YTHDF2: variants seen among roughly 807,000 people sequenced by gnomAD.
The protein encoded by YTHDF2 is YTH domain-containing family protein 2.
A neutral mutation model predicts 50.4 loss-of-function variants in YTHDF2; 2 were observed. The observed-to-expected ratio is 0.04, with a 90% CI of 0.02 to 0.12. The LOEUF (loss-of-function observed/expected upper bound fraction) is 0.12, where lower values mean the gene tolerates loss of function less well. YTHDF2 is among the 10% of genes least tolerant of loss of function. The probability of loss-of-function intolerance (pLI) is 1.00; values close to 1 mark genes in which losing one functional copy is unlikely to be tolerated. For missense variants in YTHDF2, 483 were observed against 722.6 expected, an observed-to-expected ratio of 0.67 and a Z score of 3.80; for synonymous variants, 217 against 255.6, an observed-to-expected ratio of 0.85 and a Z score of 1.44.
At chr1:28,748,626 C>G (rs183492299) in intron 4 of YTHDF2, among the ~76,000 whole-genome samples, 2 of 152,300 alleles carry the variant, frequency 1.3e-5, no homozygotes, top group East Asian at 3.9e-4. Flanking sequence ...TTAGATCTGT[C>G]AGGCTTGAAA....
intron 4 of YTHDF2, among the ~76,000 whole-genome samples, chr1:28,753,879 G>A (rs1236243653): frequency 1.3e-5 from 2 of 151,850 alleles, no homozygotes; most frequent in Admixed American, 6.6e-5. Context: ...GCTAATTTTT[G>A]TATTTTTAGT....
At chr1:28,768,882 TG>T in intron 4 of YTHDF2, 46 bp from the exon 5 acceptor site, 1 of 1,501,290 alleles carries the variant, frequency 6.7e-7, no homozygotes, top group South Asian at 1.3e-5. Flanking sequence ...TCATAAAGCA[TG>T]TTCAGATAAT....
At chr1:28,737,571 C>T (rs1340543721) in intron 1 of YTHDF2, 87 bp from the exon 2 acceptor site, 2 of 1,584,756 alleles carry the variant, frequency 1.3e-6, no homozygotes, top group East Asian at 2.2e-5. Context: ...CCTTTATTCT[C>T]CCTTCGGGCC....
At position 28,743,530 on chromosome 1, in the gene YTHDF2, G is replaced by A. The variant is rs753500050; in HGVS notation, c.1260G>A (p.Glu420=). Residue 420 remains glutamate, a synonymous_variant, in exon 4 of 5, where the codon GAG becomes GAA. Transcript: ENST00000373812. The surrounding 1 kb of genome is among the most constrained non-coding windows in gnomAD (Gnocchi z 6.9). The stretch of plus-strand genomic sequence containing the variant: ...TTTTCATCATTAAGAGCTACTCTGA[G>A]GACGATATTCACCGTTCCATTAAGT... The part of the protein sequence containing the change: ...GRVFIIKSYS[E]DDIHRSIKYN... 9.9e-6 allele frequency: 16 copies of A among 1,613,996 alleles called. No homozygotes were observed. In the East Asian group the frequency reaches 3.6e-4, roughly 36 times the overall value.
At chr1:28,744,757 C>T (rs564280301) in intron 4 of YTHDF2, among the ~76,000 whole-genome samples, 1 of 152,168 alleles carries the variant, frequency 6.6e-6, no homozygotes, top group Non-Finnish European at 1.5e-5. Context: ...CAGCCTCCAC[C>T]TTCTGGGCTC....
chr1:28,752,246 G>A (rs1342451955), intron 4 of YTHDF2, among the ~76,000 whole-genome samples: 1 of 152,152 alleles, frequency 6.6e-6, no homozygotes, highest in Non-Finnish European at 1.5e-5. Context: ...TATATAATAT[G>A]CTGTTGCACA....
At chr1:28,738,222 G>T (rs755912931) in intron 2 of YTHDF2, 37 bp from the exon 3 acceptor site, 2 of 1,519,952 alleles carry the variant, frequency 1.3e-6, no homozygotes, top group Admixed American at 1.7e-5. Flanking sequence ...AAGATTGTAG[G>T]ATTGGGACAC....
intron 4 of YTHDF2, among the ~76,000 whole-genome samples, chr1:28,764,757 G>C (rs1012112964): frequency 6.6e-6 from 1 of 152,170 alleles, no homozygotes; most frequent in Non-Finnish European, 1.5e-5. Flanking sequence ...TGGCCATGCT[G>C]GTCTCGAACT....
Position 28,742,940 on chromosome 1 carries a change from A to G in YTHDF2, c.670A>G (p.Asn224Asp), listed in dbSNP as rs755086509. ...GSITSNIVAS[N>D]SLPPATIAPP... Reference sequence around the variant, plus strand: ...CATTACTAGTAACATCGTGGCTTCCAATAGTTTGCCTCCAGCCACCATTGC... The same window carrying G: ...CATTACTAGTAACATCGTGGCTTCCGATAGTTTGCCTCCAGCCACCATTGC... Residue 224 changes from asparagine (N) to aspartate (D), a missense_variant, in exon 4 of 5, where the codon AAT becomes GAT. Transcript: ENST00000373812. 2 of 1,614,174 alleles carry G rather than the reference A, an allele frequency of 1.2e-6. No individual in the cohort carries two copies. The highest frequency in any genetic ancestry group is 1.7e-6 in the Non-Finnish European group (2 of 1,180,032).
At chr1:28,752,454 C>T (rs542871092) in intron 4 of YTHDF2, among the ~76,000 whole-genome samples, 2 of 152,228 alleles carry the variant, frequency 1.3e-5, no homozygotes, top group Non-Finnish European at 2.9e-5. Context: ...TGCCACCACT[C>T]CCGGCTAATT....
intron 4 of YTHDF2, among the ~76,000 whole-genome samples, chr1:28,763,577 T>C (rs1052033162): frequency 7.9e-5 from 12 of 152,128 alleles, no homozygotes; most frequent in African/African-American, 2.7e-4. Flanking sequence ...TGCCTTAGCC[T>C]CCTGAATAGC....
chr1:28,766,836 C>CTTT (rs796715052), intron 4 of YTHDF2, among the ~76,000 whole-genome samples: 2 of 141,566 alleles, frequency 1.4e-5, no homozygotes, highest in African/African-American at 5.2e-5. Context: ...TTTTCCTTCT[C>CTTT]TTTTTTTTTT....
intron 3 of YTHDF2, 46 bp from the exon 4 acceptor site, chr1:28,742,357 A>G (rs760602900): frequency 6.6e-7 from 1 of 1,521,754 alleles, no homozygotes; most frequent in Non-Finnish European, 8.8e-7. Context: ...AAATAGCCTG[A>G]TGTTAATTTT....
At chr1:28,763,803 G>A (rs933405412) in intron 4 of YTHDF2, among the ~76,000 whole-genome samples, 2 of 149,214 alleles carry the variant, frequency 1.3e-5, no homozygotes, top group Non-Finnish European at 1.5e-5. Context: ...GAGCCTGGCC[G>A]ACAATTTATA....
chr1:28,737,942 A>G (rs1395335261), intron 2 of YTHDF2: 1 of 581,790 alleles, frequency 1.7e-6, no homozygotes, highest in Non-Finnish European at 3.0e-6. Context: ...TGTAGGTCTT[A>G]GAAGGCCTTT....
intron 4 of YTHDF2, among the ~76,000 whole-genome samples, chr1:28,751,222 C>T (rs980622754): frequency 1.3e-5 from 2 of 151,878 alleles, no homozygotes; most frequent in African/African-American, 4.8e-5. Flanking sequence ...TTTACCACTG[C>T]ACTCCAGCCT....
At chr1:28,753,397 A>AAAAAAAAAAAAAAC (rs2087987634) in intron 4 of YTHDF2, among the ~76,000 whole-genome samples, 1 of 114,890 alleles carries the variant, frequency 8.7e-6, no homozygotes, top group African/African-American at 3.5e-5. Flanking sequence ...AAAAAAAAAA[A>AAAAAAAAAAAAAAC]ATCAGCCAGG....
intron 2 of YTHDF2, 121 bp downstream of exon 2, chr1:28,737,803 G>A (rs536090953): frequency 3.5e-6 from 4 of 1,158,164 alleles, no homozygotes; most frequent in Non-Finnish European, 4.9e-6. Flanking sequence ...CGCAGGTGCC[G>A]CACACTTAAG....
At chr1:28,748,360 C>T (rs936714916) in intron 4 of YTHDF2, among the ~76,000 whole-genome samples, 2 of 152,192 alleles carry the variant, frequency 1.3e-5, no homozygotes, top group East Asian at 3.9e-4. Flanking sequence ...TGGTAGACTC[C>T]CTTAGGTGAA....
Sources: allele counts gnomAD v4.1 joint callset (sites outside exome capture counted in the v4.1 genomes callset), GRCh38; gene constraint gnomAD v4.1.1; non-coding constraint Gnocchi (gnomAD v3.1); transcripts MANE v1.5; gene names NCBI Gene and HGNC (gene_info 2026-07-23, HGNC 2026-07-21).